Variants in RIOK1 observed in about 807,000 individuals in gnomAD.
The protein encoded by RIOK1 is serine/threonine-protein kinase RIO1.
Under a neutral mutation model 73.5 loss-of-function variants are expected in RIOK1, and 66 were observed. That is an observed-to-expected ratio of 0.90 (90% confidence interval 0.74 to 1.10). RIOK1 has a LOEUF of 1.10. RIOK1 is among the 50% of genes least tolerant of loss of function. RIOK1 has a pLI of 0.00. For missense variants in RIOK1, 658 were observed against 699.8 expected (o/e 0.94, Z 0.67); for synonymous variants, 224 against 226.8 (o/e 0.99, Z 0.11).
chr6:7,400,919 C>T (rs376226566), intron 5 of RIOK1, 39 bp from the exon 6 acceptor site: 15 of 1,305,686 alleles, frequency 1.1e-5, no homozygotes, highest in African/African-American at 5.9e-5. Context: ...AATTTGGTAC[C>T]GTCTTTTGGA....
At chr6:7,409,814 A>C (rs1457002395) in intron 12 of RIOK1, among the ~76,000 whole-genome samples, 1 of 151,604 alleles carries the variant, frequency 6.6e-6, no homozygotes, top group African/African-American at 2.4e-5. Flanking sequence ...AAAAAAAAAA[A>C]ACCTCTGCTC....
chr6:7,416,065 T>G (rs1761992890), intron 16 of RIOK1, among the ~76,000 whole-genome samples: 1 of 152,238 alleles, frequency 6.6e-6, no homozygotes, highest in African/African-American at 2.4e-5. Context: ...GACTCTTGTA[T>G]TTCTTTAATC....
At chr6:7,406,816 A>G (rs1581719576) in intron 12 of RIOK1, among the ~76,000 whole-genome samples, 2 of 151,994 alleles carry the variant, frequency 1.3e-5, no homozygotes, top group African/African-American at 2.4e-5. Flanking sequence ...GCGAGCCACT[A>G]CACCCGGCTA....
rs779801895 is a variant in RIOK1 at position 7,393,275 on chromosome 6, A to G, written c.248A>G (p.Tyr83Cys). ...DEGVGKLAKG[Y>C]VWNGGSNPQA... Reference sequence around the variant, plus strand: ...GGAGTTGGAAAACTCGCCAAGGGTTATGTCTGGAATGGAGGAAGCAACCCA... The same window carrying G: ...GGAGTTGGAAAACTCGCCAAGGGTTGTGTCTGGAATGGAGGAAGCAACCCA... Residue 83 changes from tyrosine to cysteine, a missense_variant, in exon 2 of 17, where the codon TAT becomes TGT. Transcript: ENST00000379834. 1.2e-6 allele frequency: 2 copies of G among 1,614,128 alleles called. No individual in the cohort carries two copies. Among genetic ancestry groups the G allele is most frequent in the African/African-American group, 2.7e-5 (2 of 75,054 alleles).
At chr6:7,405,411 T>G (rs945086127) in intron 12 of RIOK1, 56 bp downstream of exon 12, 254 of 973,470 alleles carry the variant, frequency 2.6e-4, no homozygotes, top group Non-Finnish European at 3.6e-4. Context: ...GCAGTATCTC[T>G]TATCTCAAGT....
chr6:7,400,288 A>G (rs887942106), intron 5 of RIOK1, among the ~76,000 whole-genome samples: 4 of 152,166 alleles, frequency 2.6e-5, no homozygotes, highest in Non-Finnish European at 5.9e-5. Context: ...TTTCAAAGCA[A>G]TCATTTAAAA....
intron 2 of RIOK1, among the ~76,000 whole-genome samples, chr6:7,394,029 G>T (rs11757537): frequency 0.46 from 70,477 of 152,152 alleles, 17,901 homozygotes; most frequent in Middle Eastern, 0.61. Context: ...TACAGCTGCT[G>T]CTCATACTGG....
rs185642133 is a variant in RIOK1 at position 7,402,152 on chromosome 6, C to T, written c.574-451C>T. On this transcript the variant is annotated intron_variant, in intron 6 of 16. Transcript: ENST00000379834. ...ATCATTAGGCAAATTTGTCATTATGCGAAGAACATTATAGAGCATACTCAT... is the reference window on the plus strand; with the variant it reads ...ATCATTAGGCAAATTTGTCATTATGTGAAGAACATTATAGAGCATACTCAT... 4.5e-4 allele frequency among the ~76,000 whole-genome samples: 69 copies of T among 152,224 alleles called. 1 individual carries two copies. The East Asian group carries it at 0.011, about 25-fold the overall frequency.
intron 12 of RIOK1, among the ~76,000 whole-genome samples, 169 bp downstream of exon 12, chr6:7,405,524 CCTCACTG>C (rs1761723762): frequency 6.6e-6 from 1 of 152,170 alleles, no homozygotes; most frequent in Non-Finnish European, 1.5e-5. Context: ...AATCCAAAAT[CCTCACTG>C]CTCCATTTCA....
chr6:7,414,142 C>T (rs918391895), intron 15 of RIOK1, 96 bp from the exon 16 acceptor site: 30 of 1,131,228 alleles, frequency 2.7e-5, no homozygotes, highest in Non-Finnish European at 3.3e-5. Context: ...TATTTGCGAG[C>T]CTAAAATCTG....
intron 15 of RIOK1, among the ~76,000 whole-genome samples, chr6:7,413,614 G>A (rs748860812): frequency 6.6e-6 from 1 of 152,206 alleles, no homozygotes; most frequent in Non-Finnish European, 1.5e-5. Context: ...AATAACAGGT[G>A]TCATAAGGAA....
chr6:7,398,793 C>G, intron 5 of RIOK1, 53 bp downstream of exon 5: 2 of 1,426,374 alleles, frequency 1.4e-6, no homozygotes, highest in South Asian at 2.4e-5. Context: ...TTTCTTCTCT[C>G]TTTGAATTGT....
chr6:7,397,111 A>G (rs1761494942), intron 4 of RIOK1, among the ~76,000 whole-genome samples: 1 of 152,146 alleles, frequency 6.6e-6, no homozygotes, highest in African/African-American at 2.4e-5. Flanking sequence ...AAAAAATACA[A>G]AAATTAGCCA....
intron 1 of RIOK1, 144 bp downstream of exon 1, chr6:7,390,217 G>A: frequency 1.5e-6 from 1 of 675,882 alleles, no homozygotes; most frequent in Non-Finnish European, 2.4e-6. Flanking sequence ...GCCTGTTTCT[G>A]CATCCCAGCT....
Position 7,417,695 on chromosome 6 carries a change from AT to A in RIOK1, c.*259del, listed in dbSNP as rs1581727138. 4.7e-5 allele frequency: 11 copies of A among 236,216 alleles called. No homozygotes were observed. In the East Asian group the frequency reaches 8.4e-4, roughly 18 times the overall value. 14.6% of individuals were successfully genotyped at this position (236,216 alleles called of 1,614,324 possible). A position where few individuals can be genotyped will look rare whatever the true frequency, so the allele number is the denominator to read the frequency against. ...ATTATTTTAATAAAGAACTTTGTACATTTTTATTTTTATATTTTTTTCTCTT... is the reference window on the plus strand; with the variant it reads ...ATTATTTTAATAAAGAACTTTGTACATTTTATTTTTATATTTTTTTCTCTT... On this transcript the variant is annotated 3_prime_UTR_variant, in exon 17 of 17. Coordinates refer to ENST00000379834, the MANE Select transcript of RIOK1 (RefSeq NM_031480.3).
chr6:7,402,567 T>A (rs1761636895), intron 6 of RIOK1, 36 bp from the exon 7 acceptor site: 2 of 1,499,074 alleles, frequency 1.3e-6, no homozygotes, highest in South Asian at 2.5e-5. Context: ...TTATTTAACA[T>A]AAACTTCATT....
At chr6:7,411,577 A>G in intron 14 of RIOK1, 126 bp downstream of exon 14, 1 of 979,746 alleles carries the variant, frequency 1.0e-6, no homozygotes, top group East Asian at 2.6e-5. Flanking sequence ...TGAAATGACT[A>G]ACTCTATCTG....
At chr6:7,412,666 A>C (rs539177178) in intron 14 of RIOK1, among the ~76,000 whole-genome samples, 11 of 148,352 alleles carry the variant, frequency 7.4e-5, no homozygotes, top group Admixed American at 1.3e-4. Flanking sequence ...AAAAAAAAAA[A>C]CAACTACCAG....
chr6:7,398,129 G>T (rs900698745), intron 4 of RIOK1, among the ~76,000 whole-genome samples: 26 of 152,146 alleles, frequency 1.7e-4, no homozygotes, highest in Non-Finnish European at 3.2e-4. Context: ...GCGACAGAGC[G>T]AGACTCCATC....
Sources: gnomAD v4.1 joint callset for allele counts (sites outside exome capture counted in the v4.1 genomes callset) on GRCh38, gnomAD v4.1.1 for gene constraint, MANE v1.5 for transcripts, NCBI Gene and HGNC (gene_info 2026-07-23, HGNC 2026-07-21) for gene names.